Variants in C2CD5 observed in about 807,000 individuals in gnomAD.
The protein encoded by C2CD5 is C2 calcium dependent domain containing 5.
C2CD5 carries 109 observed loss-of-function variants against 130.3 expected under a neutral mutation model. The observed-to-expected ratio is 0.84, with a 90% CI of 0.72 to 0.98. C2CD5 has a LOEUF of 0.98. Among genes scored for constraint, C2CD5 ranks in the 50% least tolerant of loss-of-function variants. The pLI, the probability that C2CD5 is intolerant of heterozygous loss-of-function variation, is 0.00. For synonymous variants in C2CD5, 454 were observed against 429.2 expected, an observed-to-expected ratio of 1.06 and a Z score of -0.71; for missense variants, 996 against 1,261.8, an observed-to-expected ratio of 0.79 and a Z score of 3.19.
At position 22,527,694 on chromosome 12, in the gene C2CD5, T is replaced by C. The variant is rs749298325; in HGVS notation, c.349+27A>G. 4.0e-6 allele frequency: 5 copies of C among 1,242,812 alleles called. No homozygotes were observed. The African/African-American group carries it at 6.1e-5, about 15-fold the overall frequency. The allele number at this position is 1,242,812 out of a possible 1,614,324, so 77.0% of individuals were successfully genotyped here. The stretch of plus-strand genomic sequence containing the variant: ...AAATAAAAAAGATTAAGATTGTTAT[T>C]TATAATACTTTCTTATTATTCCTTA... On this transcript the variant is annotated intron_variant, in intron 4 of 26. Coordinates refer to ENST00000446597, the MANE Select transcript of C2CD5 (RefSeq NM_001286176.2).
intron 7 of C2CD5, 82 bp downstream of exon 7, chr12:22,523,344 C>T (rs1950433256): frequency 8.9e-7 from 1 of 1,128,766 alleles, no homozygotes; most frequent in Middle Eastern, 2.5e-4. Context: ...AACAACCCTA[C>T]TAAAATGTTT....
chr12:22,463,298 G>A (rs546495004), intron 22 of C2CD5: 1 of 152,306 alleles, frequency 6.6e-6, no homozygotes, highest in African/African-American at 2.4e-5. Flanking sequence ...GGCTGAGGCT[G>A]GAGAATCACT....
At chr12:22,542,096 C>T (rs750851728) in intron 2 of C2CD5, among the ~76,000 whole-genome samples, 22 of 152,218 alleles carry the variant, frequency 1.4e-4, no homozygotes, top group Non-Finnish European at 2.9e-4. Flanking sequence ...TTCCCATTCC[C>T]ACATATTACC....
At chr12:22,533,699 G>A (rs1951535452) in intron 3 of C2CD5, among the ~76,000 whole-genome samples, 2 of 152,324 alleles carry the variant, frequency 1.3e-5, no homozygotes, top group South Asian at 4.1e-4. Context: ...AGGGAGGAAT[G>A]AAAAGAGACC....
intron 22 of C2CD5, among the ~76,000 whole-genome samples, chr12:22,461,500 T>G (rs2136054558): frequency 6.6e-6 from 1 of 152,280 alleles, no homozygotes; most frequent in South Asian, 2.1e-4. Context: ...AAATATCTGT[T>G]CCCATCTCTA....
chr12:22,459,429 T>A, intron 23 of C2CD5, 63 bp downstream of exon 23: 1 of 1,047,680 alleles, frequency 9.5e-7, no homozygotes, highest in East Asian at 2.6e-5. Flanking sequence ...TCTATAATTT[T>A]ATGCACCACC....
chr12:22,454,004 A>G lies in C2CD5; in HGVS notation c.2916T>C (p.Ala972=), dbSNP rs1455258330. ...GVSGFLHAFI[A]EVFAMVRAHV... The stretch of plus-strand genomic sequence containing the variant: ...GAGCTCTCACCATTGCAAACACTTC[A>G]GCAATAAAAGCATGGAGAAAACCAC... The change falls in exon 26 of 27, where the codon GCT becomes GCC. Residue 972 remains alanine (A), a synonymous_variant. Transcript: ENST00000446597. 6.2e-7 allele frequency: 1 copy of G among 1,613,686 alleles called. No individual in the cohort carries two copies. Among genetic ancestry groups the G allele is most frequent in the East Asian group, 2.2e-5 (1 of 44,850 alleles).
At position 22,482,616 on chromosome 12, in the gene C2CD5, C is replaced by A. The variant is rs759797323; in HGVS notation, c.1678G>T (p.Ala560Ser). Reference sequence around the variant, plus strand: ...ATCTGAATTCTTAGTCCAAACAAAGCATTCATTCCTTTGAGTTTTAGTTTA... The same window carrying A: ...ATCTGAATTCTTAGTCCAAACAAAGAATTCATTCCTTTGAGTTTTAGTTTA... ...MNKLKLKGMN[A>S]LFGLRIQITV... The change falls in exon 14 of 27, where the codon GCT becomes TCT. Residue 560 changes from alanine to serine, a missense_variant. Ala to Ser is a moderately conservative substitution (Grantham distance 99, BLOSUM62 1). Coordinates refer to ENST00000446597, the MANE Select transcript of C2CD5 (RefSeq NM_001286176.2). 1.1e-5 allele frequency: 17 copies of A among 1,613,166 alleles called. No individual in the cohort carries two copies. The Admixed American group carries it at 1.3e-4, about 13-fold the overall frequency.
intron 14 of C2CD5, among the ~76,000 whole-genome samples, 195 bp from the exon 15 acceptor site, chr12:22,478,672 C>A (rs1173001506): frequency 6.6e-6 from 1 of 151,928 alleles, no homozygotes; most frequent in African/African-American, 2.4e-5. Flanking sequence ...AAGGTGAAAC[C>A]CCGTCTCTCC....
At chr12:22,493,127 C>T (rs562827837) in intron 11 of C2CD5, 96 bp downstream of exon 11, 91 of 702,278 alleles carry the variant, frequency 1.3e-4, no homozygotes, top group African/African-American at 1.1e-3. Context: ...CTGAACACTT[C>T]GCTATTCTCT....
chr12:22,508,676 T>C (rs1188401937), intron 9 of C2CD5, among the ~76,000 whole-genome samples: 2 of 152,122 alleles, frequency 1.3e-5, no homozygotes, highest in Non-Finnish European at 2.9e-5. Context: ...GCAAGTACAT[T>C]TGAACTTTGT....
intron 14 of C2CD5, 86 bp from the exon 15 acceptor site, chr12:22,478,563 C>A: frequency 8.5e-7 from 1 of 1,170,262 alleles, no homozygotes; most frequent in Admixed American, 2.1e-5. Context: ...ATGTGGTCAA[C>A]AGCTGGGTGC....
chr12:22,544,029 C>T (rs1355671500), intron 2 of C2CD5, 32 bp downstream of exon 2: 2 of 1,527,548 alleles, frequency 1.3e-6, no homozygotes, highest in Non-Finnish European at 1.8e-6. Flanking sequence ...TTGGCGCTCC[C>T]TGTGTTTTGA....
intron 11 of C2CD5, among the ~76,000 whole-genome samples, chr12:22,492,398 T>A (rs1195445962): frequency 6.6e-6 from 1 of 152,162 alleles, no homozygotes; most frequent in Non-Finnish European, 1.5e-5. Flanking sequence ...ATGATATTGG[T>A]AGAAAAACGT....
Position 22,520,170 on chromosome 12 carries a change from C to G in C2CD5, c.801-2033G>C, listed in dbSNP as rs137993327. Among the ~76,000 whole-genome samples, 460 of 152,238 alleles carry G rather than the reference C, an allele frequency of 3.0e-3. 3 individuals carry two copies. The highest frequency in any genetic ancestry group is 0.01 in the African/African-American group (430 of 41,550). On this transcript the variant is annotated intron_variant, in intron 7 of 26. Coordinates refer to ENST00000446597, the MANE Select transcript of C2CD5 (RefSeq NM_001286176.2). ...CTGAATTTAATATCAGCAATTATTT[C>G]ACTGTGCAATGCCTTTGCTTACACA...
chr12:22,544,267 C>A, intron 1 of C2CD5, 53 bp downstream of exon 1: 2 of 859,174 alleles, frequency 2.3e-6, no homozygotes, highest in South Asian at 2.0e-5. Context: ...AGCGAAGGAG[C>A]GCGCGGGGGC....
chr12:22,516,680 C>G (rs1231327968), intron 8 of C2CD5, among the ~76,000 whole-genome samples: 1 of 150,980 alleles, frequency 6.6e-6, no homozygotes, highest in African/African-American at 2.4e-5. Context: ...TAAATAAAGG[C>G]CTGGAATATG....
intron 3 of C2CD5, among the ~76,000 whole-genome samples, chr12:22,531,959 A>T (rs1330692491): frequency 1.3e-5 from 2 of 152,226 alleles, no homozygotes; most frequent in Non-Finnish European, 2.9e-5. Flanking sequence ...ACGAAAGAAC[A>T]GAAGATATAC....
intron 2 of C2CD5, among the ~76,000 whole-genome samples, chr12:22,540,679 C>T (rs962743858): frequency 1.2e-4 from 19 of 152,038 alleles, no homozygotes; most frequent in African/African-American, 4.1e-4. Context: ...GCCAACATGG[C>T]GAAACCCCGT....
Sources: gnomAD v4.1 joint callset for allele counts (sites outside exome capture counted in the v4.1 genomes callset) on GRCh38, gnomAD v4.1.1 for gene constraint, MANE v1.5 for transcripts, NCBI Gene and HGNC (gene_info 2026-07-23, HGNC 2026-07-21) for gene names.